ZSWIM6: variants seen among roughly 807,000 people sequenced by gnomAD.
ZSWIM6 encodes the protein zinc finger SWIM domain-containing protein 6.
Under a neutral mutation model 113.2 loss-of-function variants are expected in ZSWIM6, and 9 were observed. The observed-to-expected ratio is 0.08, with a 90% CI of 0.05 to 0.14. ZSWIM6 has a LOEUF of 0.14. ZSWIM6 is among the 10% of genes least tolerant of loss of function. The probability of loss-of-function intolerance (pLI) is 1.00; values close to 1 mark genes in which losing one functional copy is unlikely to be tolerated. For missense variants in ZSWIM6, 1,162 were observed against 1,552.2 expected (o/e 0.75, Z 4.22); for synonymous variants, 611 against 606.5 (o/e 1.01, Z -0.11).
At chr5:61,403,655 T>C (rs1359222177) in intron 1 of ZSWIM6, among the ~76,000 whole-genome samples, 1 of 152,236 alleles carries the variant, frequency 6.6e-6, no homozygotes, top group Non-Finnish European at 1.5e-5. Flanking sequence ...GAGAATCTTT[T>C]GAATAAAATC....
At chr5:61,391,474 T>C in intron 1 of ZSWIM6, 3 of 1,322,480 alleles carry the variant, frequency 2.3e-6, no homozygotes, top group Non-Finnish European at 3.3e-6. Context: ...TTTCTTGCAG[T>C]ACTTGGTAAA....
intron 1 of ZSWIM6, among the ~76,000 whole-genome samples, chr5:61,421,469 A>G (rs889715458): frequency 2.6e-5 from 4 of 152,108 alleles, no homozygotes; most frequent in Admixed American, 6.5e-5. Flanking sequence ...ATAGTATTCC[A>G]TTGTGCATAT....
chr5:61,425,512 G>C (rs776142306), intron 1 of ZSWIM6, among the ~76,000 whole-genome samples: 1 of 152,190 alleles, frequency 6.6e-6, no homozygotes, highest in African/African-American at 2.4e-5. Context: ...TTCATGCTCT[G>C]AGAGTTCTCA....
chr5:61,411,811 C>G (rs1228700434), intron 1 of ZSWIM6, among the ~76,000 whole-genome samples: 1 of 152,182 alleles, frequency 6.6e-6, no homozygotes, highest in Non-Finnish European at 1.5e-5. Flanking sequence ...CATGAGGGCT[C>G]TACATCCGTG....
intron 5 of ZSWIM6, among the ~76,000 whole-genome samples, chr5:61,521,708 C>T (rs1749130784): frequency 6.6e-6 from 1 of 151,948 alleles, no homozygotes; most frequent in Non-Finnish European, 1.5e-5. Context: ...TTAAAATGGC[C>T]TATTAATGAT....
intron 5 of ZSWIM6, 98 bp downstream of exon 5, chr5:61,521,540 C>A: frequency 9.5e-7 from 1 of 1,049,892 alleles, no homozygotes; most frequent in Non-Finnish European, 1.3e-6. Context: ...AATGATTTTA[C>A]CAACTTAAGA....
At chr5:61,373,038 T>C (rs1745298973) in intron 1 of ZSWIM6, among the ~76,000 whole-genome samples, 1 of 152,192 alleles carries the variant, frequency 6.6e-6, no homozygotes, top group African/African-American at 2.4e-5. Context: ...TCACTTCCTT[T>C]CTCCAGAACT....
chr5:61,406,913 A>G (rs1344213311), intron 1 of ZSWIM6, among the ~76,000 whole-genome samples: 3 of 152,092 alleles, frequency 2.0e-5, no homozygotes, highest in Non-Finnish European at 4.4e-5. Context: ...GTGTTTTGCC[A>G]TGTTGGCCAG....
chr5:61,481,681 CA>C (rs984059586), intron 2 of ZSWIM6, among the ~76,000 whole-genome samples: 2 of 151,824 alleles, frequency 1.3e-5, no homozygotes, highest in African/African-American at 4.8e-5. Context: ...AAGCAGTAGA[CA>C]GGGGACGCCA....
intron 1 of ZSWIM6, among the ~76,000 whole-genome samples, chr5:61,397,207 C>T (rs1029806373): frequency 2.0e-4 from 31 of 152,100 alleles, no homozygotes; most frequent in Admixed American, 1.2e-3. Flanking sequence ...CCTTCCTGTC[C>T]GCCAAAAACA....
At chr5:61,375,540 T>C (rs1745356098) in intron 1 of ZSWIM6, 8 of 1,550,422 alleles carry the variant, frequency 5.2e-6, no homozygotes, top group Non-Finnish European at 7.0e-6. Context: ...ATAAATCTTC[T>C]GAAAGCTCCA....
In ZSWIM6 at chr5:61,332,290, G is replaced by A; in HGVS notation, c.18G>A (p.Gln6=). The change falls in exon 1 of 14, where the codon CAG becomes CAA. Residue 6 remains glutamine (Q), a synonymous_variant. Coordinates refer to ENST00000252744, the MANE Select transcript of ZSWIM6 (RefSeq NM_020928.2). ...GCGCGGTCATGGCGGAGCGCGGACA[G>A]CAGCCTCCTCCCGCGAAACGGCTTT... is the stretch of plus-strand genomic sequence containing the variant. The part of the protein sequence containing the change: MAERG[Q]QPPPAKRLCC... The A allele has an allele frequency of 3.4e-6, 4 of 1,165,686 alleles. No individual in the cohort carries two copies. The highest frequency in any genetic ancestry group is 8.4e-5 in the South Asian group (2 of 23,868). The allele number at this position is 1,165,686 out of a possible 1,614,324, so 72.2% of individuals were successfully genotyped here. A position where few individuals can be genotyped will look rare whatever the true frequency, so the allele number is the denominator to read the frequency against.
At chr5:61,351,132 G>A (rs1388072351) in intron 1 of ZSWIM6, among the ~76,000 whole-genome samples, 1 of 152,132 alleles carries the variant, frequency 6.6e-6, no homozygotes, top group Non-Finnish European at 1.5e-5. Flanking sequence ...CTGATCTAGT[G>A]CAGCTAAACA....
chr5:61,535,474 C>T lies in ZSWIM6; in HGVS notation c.2246-10C>T, dbSNP rs538182145. ...TAGGAACGTAAAATGTGTATGCTCT[C>T]TTCCCACAGCCGGACCATATAGTGG... On this transcript the variant is annotated splice_polypyrimidine_tract_variant and intron_variant, in intron 9 of 13. Coordinates refer to ENST00000252744, the MANE Select transcript of ZSWIM6 (RefSeq NM_020928.2). 6.4e-7 allele frequency: 1 copy of T among 1,551,146 alleles called. No individual in the cohort carries two copies. Among genetic ancestry groups the T allele is most frequent in the South Asian group, 1.2e-5 (1 of 84,042 alleles).
At chr5:61,368,916 A>G (rs1283310311) in intron 1 of ZSWIM6, among the ~76,000 whole-genome samples, 4 of 152,192 alleles carry the variant, frequency 2.6e-5, no homozygotes, top group African/African-American at 7.2e-5. Context: ...TACCACACCT[A>G]TGATGGGGTG....
At chr5:61,526,206 A>G (rs1283449828) in intron 6 of ZSWIM6, 44 bp from the exon 7 acceptor site, 14 of 1,516,322 alleles carry the variant, frequency 9.2e-6, no homozygotes, top group Non-Finnish European at 1.1e-5. Flanking sequence ...TTTTATGGAT[A>G]TATCTGACAG....
At chr5:61,467,299 A>G (rs1224043248) in intron 1 of ZSWIM6, among the ~76,000 whole-genome samples, 1 of 152,220 alleles carries the variant, frequency 6.6e-6, no homozygotes, top group African/African-American at 2.4e-5. Context: ...AAAAATCTGC[A>G]GTTCTCAAAA....
chr5:61,481,387 A>G (rs1288652252), intron 2 of ZSWIM6, among the ~76,000 whole-genome samples: 1 of 152,048 alleles, frequency 6.6e-6, no homozygotes, highest in Non-Finnish European at 1.5e-5. Context: ...ATGCTTTATT[A>G]GATACACTGG....
intron 1 of ZSWIM6, among the ~76,000 whole-genome samples, chr5:61,456,791 A>C (rs887138871): frequency 3.3e-5 from 5 of 152,178 alleles, no homozygotes; most frequent in Non-Finnish European, 5.9e-5. Flanking sequence ...GCTATCATTT[A>C]TTGTATCTTT....
Sources: gnomAD v4.1 joint callset for allele counts (sites outside exome capture counted in the v4.1 genomes callset) on GRCh38, gnomAD v4.1.1 for gene constraint, MANE v1.5 for transcripts, NCBI Gene and HGNC (gene_info 2026-07-23, HGNC 2026-07-21) for gene names.